The following PJA2 variants were observed in gnomAD, a reference collection of about 807,000 sequenced individuals.
PJA2 encodes E3 ubiquitin-protein ligase Praja-2.
Under a neutral mutation model 69.3 loss-of-function variants are expected in PJA2, and 25 were observed. The observed-to-expected ratio is 0.36, with a 90% CI of 0.26 to 0.50. PJA2 has a LOEUF of 0.50. PJA2 is among the 20% of genes least tolerant of loss of function. The probability of loss-of-function intolerance (pLI) is 0.96; values close to 1 mark genes in which losing one functional copy is unlikely to be tolerated. For missense variants in PJA2, 809 were observed against 830.2 expected (o/e 0.97, Z 0.31); for synonymous variants, 308 against 277.8 (o/e 1.11, Z -1.08).
At chr5:109,350,173 A>G (rs1428929) in intron 7 of PJA2, among the ~76,000 whole-genome samples, 34,827 of 152,004 alleles carry the variant, frequency 0.23, 5,536 homozygotes, top group African/African-American at 0.45. Context: ...TCATATATGT[A>G]AAAATAATTT....
intron 5 of PJA2, among the ~76,000 whole-genome samples, chr5:109,364,352 G>A (rs1479641362): frequency 3.3e-5 from 5 of 151,856 alleles, no homozygotes; most frequent in South Asian, 2.1e-4. Context: ...GGCCGGGCGC[G>A]GTGGCTCACG....
At chr5:109,342,196 T>TA (rs1762080823) in intron 9 of PJA2, among the ~76,000 whole-genome samples, 1 of 18,714 alleles carries the variant, frequency 5.3e-5, no homozygotes, top group African/African-American at 2.4e-4. Context: ...GGGAGGGAGG[T>TA]GGGGGGGGGT....
chr5:109,368,691 T>C lies in PJA2; in HGVS notation c.1339A>G (p.Thr447Ala), dbSNP rs1272246055. The C allele has an allele frequency of 6.8e-6, 11 of 1,614,116 alleles. No homozygotes were observed. In the South Asian group the frequency reaches 9.9e-5, roughly 15 times the overall value. ...TCACTTGAGGATTGATCTTTTTCTG[T>C]ACCAGAAAATCGATGAGGCAAAGAA... ...SASLPHRFSG[T>A]EKDQSSSDES... Residue 447 changes from threonine (T) to alanine (A), a missense_variant, in exon 5 of 10, where the codon ACA becomes GCA. Physicochemically the swap from Thr to Ala is moderately conservative, Grantham distance 58. Transcript: ENST00000361189.
At chr5:109,392,720 A>G (rs1038818198) in intron 1 of PJA2, among the ~76,000 whole-genome samples, 1 of 152,206 alleles carries the variant, frequency 6.6e-6, no homozygotes, top group African/African-American at 2.4e-5. Context: ...TACACATTAC[A>G]TACAATTGAC....
At chr5:109,391,730 C>T (rs976340343) in intron 1 of PJA2, among the ~76,000 whole-genome samples, 2 of 151,850 alleles carry the variant, frequency 1.3e-5, no homozygotes, top group African/African-American at 4.8e-5. Flanking sequence ...GAAGAAAGTA[C>T]CTACAAGTAA....
At chr5:109,405,315 A>G (rs752729742) in intron 1 of PJA2, among the ~76,000 whole-genome samples, 1 of 152,258 alleles carries the variant, frequency 6.6e-6, no homozygotes, top group African/African-American at 2.4e-5. Context: ...ACCTGTATTC[A>G]TGAATTGGAA....
chr5:109,351,062 C>G lies in PJA2; in HGVS notation c.1764+4853G>C, dbSNP rs530000898. On this transcript the variant is annotated intron_variant, in intron 7 of 9. Transcript: ENST00000361189. ...GACAATCTGAAGTACTGAGGTAGAA[C>G]TGAACTCTAATGACTAAGTAACAAA... is the stretch of plus-strand genomic sequence containing the variant. Among the ~76,000 whole-genome samples, 7 of 149,722 alleles carry G rather than the reference C, an allele frequency of 4.7e-5. No individual in the cohort carries two copies. The East Asian group carries it at 1.2e-3, about 25-fold the overall frequency.
chr5:109,398,430 G>C (rs1299842735), intron 1 of PJA2, among the ~76,000 whole-genome samples: 1 of 152,086 alleles, frequency 6.6e-6, no homozygotes, highest in Non-Finnish European at 1.5e-5. Context: ...TATACACCAT[G>C]CAATACTATG....
chr5:109,362,096 T>C (rs924785642), intron 6 of PJA2, among the ~76,000 whole-genome samples: 1 of 152,214 alleles, frequency 6.6e-6, no homozygotes, highest in Non-Finnish European at 1.5e-5. Context: ...AATATATTTG[T>C]ACAGAGAAAG....
chr5:109,335,333 G>A lies in PJA2; in HGVS notation c.*1898C>T, dbSNP rs1761920652. Reference sequence around the variant, plus strand: ...GCAAAAAGTACAACAGCTATCTTAAGTTCAGCTCTCAACATTGCTGGTTGA... The same window carrying A: ...GCAAAAAGTACAACAGCTATCTTAAATTCAGCTCTCAACATTGCTGGTTGA... On this transcript the variant is annotated 3_prime_UTR_variant, in exon 10 of 10. Transcript: ENST00000361189. The A allele has an allele frequency of 6.6e-6, 1 of 152,636 alleles. No homozygotes were observed. Among genetic ancestry groups the A allele is most frequent in the African/African-American group, 2.4e-5 (1 of 41,446 alleles). 9.5% of individuals were successfully genotyped at this position (152,636 alleles called of 1,614,324 possible). A position where few individuals can be genotyped will look rare whatever the true frequency, so the allele number is the denominator to read the frequency against.
Position 109,337,175 on chromosome 5 carries a change from T to C in PJA2, c.*56A>G. Reference sequence around the variant, plus strand: ...TATATAATTATTTGCACATGAAATTTAGAAGGAATTTGCAGATTTACTTTG... The same window carrying C: ...TATATAATTATTTGCACATGAAATTCAGAAGGAATTTGCAGATTTACTTTG... On this transcript the variant is annotated 3_prime_UTR_variant, in exon 10 of 10. Coordinates refer to ENST00000361189, the MANE Select transcript of PJA2 (RefSeq NM_014819.5). 1 of 1,533,390 alleles carries C rather than the reference T, an allele frequency of 6.5e-7. No individual in the cohort carries two copies. The highest frequency in any genetic ancestry group is 1.4e-5 in the African/African-American group (1 of 71,666). 95.0% of individuals were successfully genotyped at this position (1,533,390 alleles called of 1,614,324 possible).
At chr5:109,343,233 G>T (rs1272777277) in intron 9 of PJA2, among the ~76,000 whole-genome samples, 2 of 102,586 alleles carry the variant, frequency 1.9e-5, no homozygotes, top group African/African-American at 9.0e-5. Context: ...TCTGAAACAT[G>T]TGCTGTGTCC....
In PJA2 at chr5:109,409,947, T is replaced by TGGCGGCTGTGGC. The variant is rs1561370470; in HGVS notation, c.-205_-194dup. On this transcript the variant is annotated 5_prime_UTR_variant, in exon 1 of 10. Coordinates refer to ENST00000361189, the MANE Select transcript of PJA2 (RefSeq NM_014819.5). ...CCTCCCCCGCCGAACGCGAAGCGGC[T>TGGCGGCTGTGGC]GGCGGCTGTGGCGGCGGCGGCGGCG... The TGGCGGCTGTGGC allele has an allele frequency of 1.4e-5, 3 of 210,248 alleles. No individual in the cohort carries two copies. Among genetic ancestry groups the TGGCGGCTGTGGC allele is most frequent in the Non-Finnish European group, 2.8e-5 (3 of 106,262 alleles). 13.0% of individuals were successfully genotyped at this position (210,248 alleles called of 1,614,324 possible). A position where few individuals can be genotyped will look rare whatever the true frequency, so the allele number is the denominator to read the frequency against.
At chr5:109,354,456 C>T (rs1762367957) in intron 7 of PJA2, among the ~76,000 whole-genome samples, 1 of 123,112 alleles carries the variant, frequency 8.1e-6, no homozygotes, top group Non-Finnish European at 1.7e-5. Context: ...GATTAGATAT[C>T]TATGATATCT....
chr5:109,376,188 A>G (rs1746881188), intron 4 of PJA2, among the ~76,000 whole-genome samples: 1 of 151,742 alleles, frequency 6.6e-6, no homozygotes, highest in Admixed American at 6.6e-5. Context: ...TAGTCAATAC[A>G]TTACTAGCAA....
chr5:109,343,727 A>G (rs996258725), intron 9 of PJA2, among the ~76,000 whole-genome samples: 1 of 152,238 alleles, frequency 6.6e-6, no homozygotes, highest in African/African-American at 2.4e-5. Context: ...ATCTGTAATC[A>G]TTAAATGCAA....
chr5:109,336,488 GT>G lies in PJA2; in HGVS notation c.*742del, dbSNP rs1761943570. On this transcript the variant is annotated 3_prime_UTR_variant, in exon 10 of 10. Coordinates refer to ENST00000361189, the MANE Select transcript of PJA2 (RefSeq NM_014819.5). The stretch of plus-strand genomic sequence containing the variant: ...CAGGTTGGGTAAGAGGTTAGAAAGA[GT>G]TTCATAAGGCCATCTAATTCAGCTC... The G allele has an allele frequency of 6.6e-6, 1 of 152,154 alleles. No individual in the cohort carries two copies. The highest frequency in any genetic ancestry group is 2.4e-5 in the African/African-American group (1 of 41,488). 9.4% of individuals were successfully genotyped at this position (152,154 alleles called of 1,614,324 possible). A position where few individuals can be genotyped will look rare whatever the true frequency, so the allele number is the denominator to read the frequency against.
chr5:109,391,438 T>C (rs1258669453), intron 1 of PJA2, among the ~76,000 whole-genome samples: 1 of 152,198 alleles, frequency 6.6e-6, no homozygotes, highest in Non-Finnish European at 1.5e-5. Context: ...AAAATTGTCT[T>C]TGTTTTTGAA....
intron 1 of PJA2, among the ~76,000 whole-genome samples, chr5:109,404,675 T>C (rs912465479): frequency 2.6e-5 from 4 of 152,164 alleles, no homozygotes; most frequent in Non-Finnish European, 4.4e-5. Flanking sequence ...CATAAGGGGA[T>C]AGGAGCTCTC....
Sources: gnomAD v4.1 joint callset for allele counts (sites outside exome capture counted in the v4.1 genomes callset) on GRCh38, gnomAD v4.1.1 for gene constraint, MANE v1.5 for transcripts, NCBI Gene and HGNC (gene_info 2026-07-23, HGNC 2026-07-21) for gene names.